RALGAPA1: variants seen among roughly 807,000 people sequenced by gnomAD.
The protein encoded by RALGAPA1 is Ral GTPase activating protein catalytic subunit alpha 1.
Under a neutral mutation model 269.6 loss-of-function variants are expected in RALGAPA1, and 52 were observed. The observed-to-expected ratio is 0.19, with a 90% CI of 0.15 to 0.24. The LOEUF (loss-of-function observed/expected upper bound fraction) is 0.24. RALGAPA1 is among the 10% of genes least tolerant of loss of function. The pLI, the probability that RALGAPA1 is intolerant of heterozygous loss-of-function variation, is 1.00. For missense variants in RALGAPA1, 1,917 were observed against 3,013.9 expected, an observed-to-expected ratio of 0.64 and a Z score of 8.52; for synonymous variants, 817 against 1,008.3, an observed-to-expected ratio of 0.81 and a Z score of 3.60.
At chr14:35,674,766 C>A in intron 22 of RALGAPA1, 57 bp from the exon 23 acceptor site, 1 of 736,374 alleles carries the variant, frequency 1.4e-6, no homozygotes, top group South Asian at 2.4e-5. Context: ...CATAAAACCC[C>A]CCAAGAAACC....
At chr14:35,589,910 T>C (rs918263290) in intron 37 of RALGAPA1, among the ~76,000 whole-genome samples, 1 of 152,106 alleles carries the variant, frequency 6.6e-6, no homozygotes, top group African/African-American at 2.4e-5. Context: ...CCCAGACTGA[T>C]ATCGAACTCC....
At position 35,675,028 on chromosome 14, in the gene RALGAPA1, T is replaced by C. The variant is rs141286236; in HGVS notation, c.4625-319A>G. ...TAAAAACATCAAATTTATAAGCACATACTCTCACTTTTATCTAATAGCAAC... is the reference window on the plus strand; with the variant it reads ...TAAAAACATCAAATTTATAAGCACACACTCTCACTTTTATCTAATAGCAAC... On this transcript the variant is annotated intron_variant, in intron 22 of 41. Coordinates refer to ENST00000680220, the MANE Select transcript of RALGAPA1 (RefSeq NM_001346249.2). Among the ~76,000 whole-genome samples, 4 of 152,260 alleles carry C rather than the reference T, an allele frequency of 2.6e-5. No homozygotes were observed. The East Asian group carries it at 7.7e-4, about 29-fold the overall frequency.
chr14:35,694,632 T>C (rs1432769075), intron 17 of RALGAPA1, among the ~76,000 whole-genome samples: 2 of 152,186 alleles, frequency 1.3e-5, no homozygotes, highest in East Asian at 1.9e-4. Flanking sequence ...TTCTCTTTTA[T>C]TCTAATATTG....
intron 33 of RALGAPA1, among the ~76,000 whole-genome samples, chr14:35,629,108 G>T (rs190946346): frequency 3.9e-5 from 6 of 152,252 alleles, no homozygotes; most frequent in Non-Finnish European, 5.9e-5. Flanking sequence ...TTCTAAGGAG[G>T]GCTAAAGACT....
At chr14:35,568,140 A>C (rs1029469989) in intron 39 of RALGAPA1, among the ~76,000 whole-genome samples, 1 of 152,180 alleles carries the variant, frequency 6.6e-6, no homozygotes, top group Non-Finnish European at 1.5e-5. Flanking sequence ...AAACAGATTA[A>C]AACTACAAAG....
chr14:35,597,155 A>T (rs1391725082), intron 36 of RALGAPA1, among the ~76,000 whole-genome samples: 3 of 152,204 alleles, frequency 2.0e-5, no homozygotes, highest in Non-Finnish European at 4.4e-5. Context: ...CATTTGTGAA[A>T]GTACAGCTAC....
chr14:35,634,842 AAC>A, intron 32 of RALGAPA1, 85 bp from the exon 33 acceptor site: 1 of 1,251,080 alleles, frequency 8.0e-7, no homozygotes, highest in Non-Finnish European at 1.1e-6. Flanking sequence ...ATCAACTGGT[AAC>A]ACAAGAGCCT....
chr14:35,751,910 CCAATA>C lies in RALGAPA1; in HGVS notation c.802+109_802+113del, dbSNP rs1254418249. The C allele has an allele frequency of 3.6e-6, 5 of 1,401,146 alleles. No individual in the cohort carries two copies. The South Asian group carries it at 4.5e-5, about 13-fold the overall frequency. The allele number at this position is 1,401,146 out of a possible 1,614,324, so 86.8% of individuals were successfully genotyped here. On this transcript the variant is annotated intron_variant, in intron 8 of 41. Transcript: ENST00000680220. ...AATCTAGGTATCATATCTATACCAA[CCAATA>C]CAAGTATTAAATATGATCAGTTTCC...
At chr14:35,677,850 C>T (rs2065081003) in intron 22 of RALGAPA1, 100 bp downstream of exon 22, 2 of 1,137,604 alleles carry the variant, frequency 1.8e-6, no homozygotes, top group Admixed American at 2.5e-5. Flanking sequence ...AAAATATTTA[C>T]AATAATCATA....
chr14:35,606,299 A>G (rs901057798), intron 35 of RALGAPA1, among the ~76,000 whole-genome samples: 1 of 152,230 alleles, frequency 6.6e-6, no homozygotes, highest in Non-Finnish European at 1.5e-5. Context: ...CTACTACACA[A>G]CCTTGGCTAT....
intron 39 of RALGAPA1, among the ~76,000 whole-genome samples, chr14:35,557,342 C>T (rs771614836): frequency 7.4e-5 from 11 of 148,614 alleles, no homozygotes; most frequent in Non-Finnish European, 1.3e-4. Context: ...TTACAGTGTA[C>T]AATTACTTAA....
chr14:35,711,674 T>G (rs1212106734), intron 16 of RALGAPA1, among the ~76,000 whole-genome samples: 1 of 152,124 alleles, frequency 6.6e-6, no homozygotes, highest in Non-Finnish European at 1.5e-5. Flanking sequence ...GGTCTTGAAC[T>G]AGGCTCAAGC....
chr14:35,595,686 A>G lies in RALGAPA1; in HGVS notation c.7157T>C (p.Phe2386Ser). ...AGAAGGCATTCTTGTTGACACGTGA[A>G]ATATTACCTCTACTGTAGAGGTAGC... ...YFATSTVEVI[F>S]HVSTRMPSDS... The change falls in exon 37 of 42, where the codon TTT (phenylalanine) becomes TCT (serine). Residue 2386 changes from phenylalanine (F) to serine (S), a missense_variant. Around this residue, in one of 11 missense-constraint regions of RALGAPA1, gnomAD observed 132 missense variants for 271.2 expected, o/e 0.49. Transcript: ENST00000680220. The G allele has an allele frequency of 6.2e-7, 1 of 1,612,804 alleles. No homozygotes were observed. The highest frequency in any genetic ancestry group is 8.5e-7 in the Non-Finnish European group (1 of 1,179,172).
At position 35,657,717 on chromosome 14, in the gene RALGAPA1, C is replaced by G. The variant is rs11848534; in HGVS notation, c.5387+1421G>C. On this transcript the variant is annotated intron_variant, in intron 28 of 41. Transcript: ENST00000680220. ...TTTTTTTTTTTTTGGTAAAAAAAAG[C>G]AAAAGATCTACAGTCTTAAGCACTA... is the stretch of plus-strand genomic sequence containing the variant. Among the ~76,000 whole-genome samples, 503 of 144,588 alleles carry G rather than the reference C, an allele frequency of 3.5e-3. 6 individuals carry two copies. The highest frequency in any genetic ancestry group is 0.012 in the African/African-American group (482 of 38,940). 94.9% of individuals were successfully genotyped at this position (144,588 alleles called of 152,430 possible).
At chr14:35,702,816 T>G (rs2067479272) in intron 16 of RALGAPA1, among the ~76,000 whole-genome samples, 1 of 150,900 alleles carries the variant, frequency 6.6e-6, no homozygotes. Context: ...CTCGGCTCAC[T>G]GCAAGCTCTG....
At chr14:35,785,571 C>A (rs1035379860) in intron 1 of RALGAPA1, among the ~76,000 whole-genome samples, 8 of 152,150 alleles carry the variant, frequency 5.3e-5, no homozygotes, top group African/African-American at 1.9e-4. Context: ...CAGTATAGCT[C>A]GTGTTCTCAA....
chr14:35,579,602 G>A (rs944650896), intron 37 of RALGAPA1, among the ~76,000 whole-genome samples: 12 of 51,672 alleles, frequency 2.3e-4, no homozygotes, highest in Admixed American at 7.7e-4. Context: ...GTGAGACTCC[G>A]TCTCAAAAAA....
intron 21 of RALGAPA1, among the ~76,000 whole-genome samples, chr14:35,681,059 A>G (rs1173675389): frequency 6.6e-6 from 1 of 152,092 alleles, no homozygotes; most frequent in African/African-American, 2.4e-5. Flanking sequence ...TGTTTCCTAT[A>G]CTAGATTTCT....
intron 37 of RALGAPA1, among the ~76,000 whole-genome samples, chr14:35,576,300 T>TA (rs2057554770): frequency 6.6e-6 from 1 of 152,222 alleles, no homozygotes; most frequent in Non-Finnish European, 1.5e-5. Context: ...ATGGAACTTG[T>TA]AGTCAGTTCA....
Sources: allele counts gnomAD v4.1 joint callset (sites outside exome capture counted in the v4.1 genomes callset), GRCh38; gene constraint gnomAD v4.1.1; regional missense constraint gnomAD v4.1.1; transcripts MANE v1.5; gene names NCBI Gene and HGNC (gene_info 2026-07-23, HGNC 2026-07-21).